LHFPL3: variants seen among roughly 807,000 people sequenced by gnomAD.
The protein encoded by LHFPL3 is LHFPL tetraspan subfamily member 3 protein.
Under a neutral mutation model 19.3 loss-of-function variants are expected in LHFPL3, and 5 were observed. The observed-to-expected ratio is 0.26, with a 90% CI of 0.14 to 0.54. The LOEUF (loss-of-function observed/expected upper bound fraction) is 0.54, where lower values mean the gene tolerates loss of function less well. LHFPL3 is among the 20% of genes least tolerant of loss of function. The pLI is 0.94. For missense variants in LHFPL3, 249 were observed against 307.4 expected, an observed-to-expected ratio of 0.81 and a Z score of 1.42; for synonymous variants, 133 against 126.2, an observed-to-expected ratio of 1.05 and a Z score of -0.36.
intron 2 of LHFPL3, chr7:104,738,958 G>C (rs1793881210): frequency 6.6e-6 from 1 of 152,126 alleles, no homozygotes; most frequent in Admixed American, 6.5e-5. Context: ...ATCTTGTTCT[G>C]AAGGACGAAA....
intron 1 of LHFPL3, among the ~76,000 whole-genome samples, chr7:104,593,918 T>C (rs1790784703): frequency 6.6e-6 from 1 of 152,202 alleles, no homozygotes; most frequent in Non-Finnish European, 1.5e-5. Flanking sequence ...TCCATCCCTT[T>C]ATTTTGAGCC....
intron 1 of LHFPL3, among the ~76,000 whole-genome samples, chr7:104,340,063 C>T (rs920220093): frequency 2.6e-5 from 4 of 152,112 alleles, no homozygotes; most frequent in Non-Finnish European, 2.9e-5. Context: ...GAGAAGCTAG[C>T]GTGTGGTCAA....
intron 1 of LHFPL3, among the ~76,000 whole-genome samples, chr7:104,634,760 G>A (rs187619474): frequency 5.5e-4 from 84 of 152,270 alleles, no homozygotes; most frequent in Non-Finnish European, 1.1e-3. Context: ...AGGCCAGCTG[G>A]CTATCCTGTT....
chr7:104,391,682 C>G (rs1351081873), intron 1 of LHFPL3, among the ~76,000 whole-genome samples: 1 of 151,996 alleles, frequency 6.6e-6, no homozygotes, highest in Non-Finnish European at 1.5e-5. Flanking sequence ...TTTTTTGGTT[C>G]TATATGAACT....
At chr7:104,341,318 A>G (rs1027249938) in intron 1 of LHFPL3, among the ~76,000 whole-genome samples, 2 of 152,244 alleles carry the variant, frequency 1.3e-5, no homozygotes, top group South Asian at 2.1e-4. Flanking sequence ...TAAAGAAAGT[A>G]AAAAAGCAGC....
At chr7:104,691,305 A>T (rs1792901621) in intron 1 of LHFPL3, among the ~76,000 whole-genome samples, 1 of 152,164 alleles carries the variant, frequency 6.6e-6, no homozygotes, top group Admixed American at 6.5e-5. Context: ...CATTGTCCCT[A>T]CTTCTGTTAC....
At position 104,824,693 on chromosome 7, in the gene LHFPL3, TTATA is replaced by T. The variant is rs1197950904; in HGVS notation, c.683-81488_683-81485del. Reference sequence around the variant, plus strand: ...TATTTGGCATTATATATAATATATATTATATATATTATATATATAATTATATATA... The same window carrying T: ...TATTTGGCATTATATATAATATATATTATATTATATATATAATTATATATA... On this transcript the variant is annotated intron_variant, in intron 2 of 2. Transcript: ENST00000424859. Among the ~76,000 whole-genome samples the T allele has an allele frequency of 4.1e-5, 4 of 98,098 alleles. No individual in the cohort carries two copies. The South Asian group carries it at 7.7e-4, about 19-fold the overall frequency. 64.4% of individuals were successfully genotyped at this position (98,098 alleles called of 152,430 possible).
At chr7:104,881,861 C>G (rs1792063967) in intron 2 of LHFPL3, among the ~76,000 whole-genome samples, 1 of 152,192 alleles carries the variant, frequency 6.6e-6, no homozygotes, top group African/African-American at 2.4e-5. Flanking sequence ...CCACCCTCAT[C>G]AGTCAGCCGC....
At chr7:104,675,125 A>G (rs1361548317) in intron 1 of LHFPL3, among the ~76,000 whole-genome samples, 3 of 152,234 alleles carry the variant, frequency 2.0e-5, no homozygotes, top group Admixed American at 6.5e-5. Flanking sequence ...GCAGAGTGGG[A>G]AGGAATCTCC....
intron 1 of LHFPL3, among the ~76,000 whole-genome samples, chr7:104,345,565 T>C (rs764870595): frequency 3.9e-5 from 6 of 152,208 alleles, no homozygotes; most frequent in Admixed American, 1.3e-4. Flanking sequence ...ATAAGCATCA[T>C]ATAAAATAAC....
rs139720655 is a variant in LHFPL3 at position 104,504,522 on chromosome 7, T to A, written c.445+175298T>A. Among the ~76,000 whole-genome samples, 38 of 152,300 alleles carry A rather than the reference T, an allele frequency of 2.5e-4. No homozygotes were observed. In the East Asian group the frequency reaches 6.9e-3, roughly 28 times the overall value. ...ATCAATGTTATTTTGAATTCAGCAG[T>A]GATGTTAAAAGCAATAGCAATCCTC... On this transcript the variant is annotated intron_variant, in intron 1 of 2. Transcript: ENST00000424859.
intron 1 of LHFPL3, among the ~76,000 whole-genome samples, chr7:104,372,986 G>C (rs947515035): frequency 2.0e-5 from 1 of 50,400 alleles, no homozygotes; most frequent in Non-Finnish European, 3.9e-5. Context: ...GTTTTCCTGA[G>C]AGCTTCTTTA....
intron 1 of LHFPL3, among the ~76,000 whole-genome samples, chr7:104,687,301 G>T (rs1792825099): frequency 6.6e-6 from 1 of 152,208 alleles, no homozygotes; most frequent in Admixed American, 6.5e-5. Flanking sequence ...TGTCCTCTCT[G>T]GGAGGACCAC....
intron 2 of LHFPL3, chr7:104,845,428 A>G (rs549554427): frequency 1.3e-6 from 2 of 1,536,036 alleles, no homozygotes; most frequent in East Asian, 4.9e-5. Context: ...AGACCACACC[A>G]TGTAAGTGTG....
rs1242947038 is a variant in LHFPL3, at chr7:104,892,304, T to C, written c.683-13883T>C. ...TTTTTATTTCCAAGGAATTTAATTT[T>C]CAAAATAATAGTGGCACATTTTTCC... On this transcript the variant is annotated intron_variant, in intron 2 of 2. Coordinates refer to ENST00000424859, the MANE Select transcript of LHFPL3 (RefSeq NM_199000.3). Among the ~76,000 whole-genome samples, 10 of 152,280 alleles carry C rather than the reference T, an allele frequency of 6.6e-5. No individual in the cohort carries two copies. In the East Asian group the frequency reaches 1.9e-3, roughly 29 times the overall value.
intron 1 of LHFPL3, among the ~76,000 whole-genome samples, chr7:104,677,478 T>C (rs1432026494): frequency 6.6e-6 from 1 of 152,210 alleles, no homozygotes; most frequent in Non-Finnish European, 1.5e-5. Flanking sequence ...AACCAATATG[T>C]TATGTTCATC....
At chr7:104,499,135 G>T (rs750743425) in intron 1 of LHFPL3, among the ~76,000 whole-genome samples, 5 of 152,170 alleles carry the variant, frequency 3.3e-5, no homozygotes, top group Admixed American at 1.3e-4. Flanking sequence ...TATTTCTGAG[G>T]GAAATGGTGT....
At chr7:104,484,430 G>A (rs1793199775) in intron 1 of LHFPL3, among the ~76,000 whole-genome samples, 1 of 152,188 alleles carries the variant, frequency 6.6e-6, no homozygotes, top group South Asian at 2.1e-4. Context: ...GAGCATGTTA[G>A]TGAGGGGGCC....
chr7:104,371,878 A>G (rs1056496605), intron 1 of LHFPL3, among the ~76,000 whole-genome samples: 4 of 152,234 alleles, frequency 2.6e-5, no homozygotes, highest in African/African-American at 9.6e-5. Context: ...TGTATGAGAT[A>G]CATATTTTCC....
Sources: gnomAD v4.1 joint callset for allele counts (sites outside exome capture counted in the v4.1 genomes callset) on GRCh38, gnomAD v4.1.1 for gene constraint, MANE v1.5 for transcripts, NCBI Gene and HGNC (gene_info 2026-07-23, HGNC 2026-07-21) for gene names.